The following ADGRV1 variants were observed in gnomAD, a reference collection of about 807,000 sequenced individuals.
ADGRV1 encodes adhesion G protein-coupled receptor V1, also known as G-protein coupled receptor 98.
A neutral mutation model predicts 596.2 loss-of-function variants in ADGRV1; 359 were observed. The ratio of observed to expected loss-of-function variants is 0.60; its 90% CI spans 0.55 to 0.66. The LOEUF (loss-of-function observed/expected upper bound fraction) is 0.66. Ranked by LOEUF, ADGRV1 falls within the 30% of genes least tolerant of loss-of-function variation. ADGRV1 has a pLI of 0.00. For missense variants in ADGRV1, 7,274 were observed against 7,575.6 expected, an observed-to-expected ratio of 0.96 and a Z score of 1.48; for synonymous variants, 2,681 against 2,679.2, an observed-to-expected ratio of 1.00 and a Z score of -0.02.
At chr5:90,958,294 AAAAAAAAAAG>A (rs1777669780) in intron 83 of ADGRV1, among the ~76,000 whole-genome samples, 2 of 150,224 alleles carry the variant, frequency 1.3e-5, no homozygotes, top group African/African-American at 2.4e-5. Context: ...AAAAAAAAAA[AAAAAAAAAAG>A]AAAAGAAAAG....
At chr5:90,559,369 G>A (rs75095828) in intron 1 of ADGRV1, among the ~76,000 whole-genome samples, 1 of 152,218 alleles carries the variant, frequency 6.6e-6, no homozygotes, top group African/African-American at 2.4e-5. Context: ...AAGGAGACTT[G>A]TTTGTGTTCC....
At chr5:91,135,722 G>A (rs1384130635) in intron 87 of ADGRV1, among the ~76,000 whole-genome samples, 1 of 152,100 alleles carries the variant, frequency 6.6e-6, no homozygotes, top group African/African-American at 2.4e-5. Flanking sequence ...CTATTTGCAG[G>A]GCACCATGCT....
chr5:90,825,140 T>G (rs949527249), intron 76 of ADGRV1, among the ~76,000 whole-genome samples: 7 of 152,186 alleles, frequency 4.6e-5, no homozygotes, highest in Non-Finnish European at 1.0e-4. Context: ...TTTCACCCTG[T>G]TGGCCTGGCT....
Position 91,131,941 on chromosome 5 carries a change from A to C in ADGRV1, c.18433-18089A>C, listed in dbSNP as rs368617637. Among the ~76,000 whole-genome samples the C allele has an allele frequency of 3.3e-5, 5 of 152,238 alleles. No individual in the cohort carries two copies. The East Asian group carries it at 7.7e-4, about 24-fold the overall frequency. ...TTGTAGTTTGGGAGTTTTACATGTA[A>C]ATCTTTAATCCACTTTGAGTTAACT... is the stretch of plus-strand genomic sequence containing the variant. On this transcript the variant is annotated intron_variant, in intron 87 of 89. Coordinates refer to ENST00000405460, the MANE Select transcript of ADGRV1 (RefSeq NM_032119.4).
At chr5:90,990,797 G>A (rs1780898915) in intron 85 of ADGRV1, among the ~76,000 whole-genome samples, 1 of 152,168 alleles carries the variant, frequency 6.6e-6, no homozygotes, top group Non-Finnish European at 1.5e-5. Context: ...TTGGTTACCC[G>A]AAGTAACTCT....
intron 28 of ADGRV1, 135 bp from the exon 29 acceptor site, chr5:90,685,645 A>T: frequency 6.5e-6 from 2 of 306,824 alleles, no homozygotes; most frequent in Non-Finnish European, 1.2e-5. Flanking sequence ...TAAATAAAAT[A>T]AATAGTAGAG....
At chr5:90,650,549 A>G (rs973424743) in intron 17 of ADGRV1, among the ~76,000 whole-genome samples, 2 of 152,114 alleles carry the variant, frequency 1.3e-5, no homozygotes, top group African/African-American at 4.8e-5. Flanking sequence ...TGTTTCTATA[A>G]TTTTAGCTGT....
At chr5:91,145,369 A>G (rs1336957571) in intron 87 of ADGRV1, among the ~76,000 whole-genome samples, 2 of 152,250 alleles carry the variant, frequency 1.3e-5, no homozygotes, top group African/African-American at 4.8e-5. Context: ...TCTAGCTTTT[A>G]CCCTATCACT....
intron 1 of ADGRV1, among the ~76,000 whole-genome samples, chr5:90,587,905 A>G (rs1758984521): frequency 6.6e-6 from 1 of 151,496 alleles, no homozygotes; most frequent in South Asian, 2.1e-4. Flanking sequence ...TACAAAATGT[A>G]TAGTTTCAAA....
At position 90,848,796 on chromosome 5, in the gene ADGRV1, G is replaced by A. The variant is rs886645456; in HGVS notation, c.17179G>A (p.Val5727Ile). ...TTTTGCCTTTTCTCTGCTGACTAAT[G>A]TTACTTGCGGCTCTCCTGGTGAAAA... ...ENFAFSLLTN[V>I]TCGSPGEKSK... Residue 5727 changes from valine to isoleucine, a missense_variant, in exon 79 of 90, where the codon GTT becomes ATT. By Grantham distance (29) the Val-to-Ile change is conservative. Around this residue, in one of 5 missense-constraint regions of ADGRV1, gnomAD observed 1,874 missense variants for 1,970.2 expected, o/e 0.95. Transcript: ENST00000405460. The A allele has an allele frequency of 4.4e-6, 7 of 1,584,572 alleles. No individual in the cohort carries two copies. The highest frequency in any genetic ancestry group is 1.4e-5 in the African/African-American group (1 of 73,122).
chr5:90,614,454 G>A (rs572505585), intron 1 of ADGRV1, among the ~76,000 whole-genome samples: 12 of 152,112 alleles, frequency 7.9e-5, no homozygotes, highest in East Asian at 1.9e-4. Flanking sequence ...CTGGTATTTC[G>A]TAGTTTTATT....
At chr5:90,766,131 G>C (rs897424756) in intron 59 of ADGRV1, among the ~76,000 whole-genome samples, 4 of 152,004 alleles carry the variant, frequency 2.6e-5, no homozygotes, top group South Asian at 2.1e-4. Context: ...GGATGGTCTT[G>C]ATCTCCTGAC....
intron 86 of ADGRV1, among the ~76,000 whole-genome samples, chr5:91,075,995 T>C (rs1788826258): frequency 6.6e-6 from 1 of 152,176 alleles, no homozygotes; most frequent in African/African-American, 2.4e-5. Context: ...TCCTCCTCAT[T>C]AGTTGGTAAA....
At chr5:90,590,915 C>G (rs1759413556) in intron 1 of ADGRV1, among the ~76,000 whole-genome samples, 1 of 152,052 alleles carries the variant, frequency 6.6e-6, no homozygotes, top group Admixed American at 6.6e-5. Context: ...ACTTGTTACC[C>G]TTGAACACTT....
chr5:90,689,584 T>C (rs937765663), intron 29 of ADGRV1, among the ~76,000 whole-genome samples: 1 of 152,098 alleles, frequency 6.6e-6, no homozygotes, highest in Non-Finnish European at 1.5e-5. Context: ...TCTCTATTTA[T>C]ATAAATAGAC....
intron 87 of ADGRV1, among the ~76,000 whole-genome samples, chr5:91,109,093 T>C (rs969944343): frequency 2.0e-5 from 3 of 152,196 alleles, no homozygotes; most frequent in Admixed American, 6.5e-5. Flanking sequence ...CAAATGCAAA[T>C]GTAAGGTTTA....
At chr5:90,818,985 G>A (rs983331517) in intron 75 of ADGRV1, among the ~76,000 whole-genome samples, 3 of 152,032 alleles carry the variant, frequency 2.0e-5, no homozygotes, top group African/African-American at 7.3e-5. Context: ...GTTTCAGAAG[G>A]AATGGTACCA....
intron 81 of ADGRV1, among the ~76,000 whole-genome samples, chr5:90,854,660 G>T (rs891032837): frequency 9.9e-5 from 15 of 152,154 alleles, no homozygotes; most frequent in African/African-American, 3.6e-4. Context: ...ACACAAATGG[G>T]AAGGAAAGAA....
chr5:91,127,790 T>C (rs1793895141), intron 87 of ADGRV1, among the ~76,000 whole-genome samples: 2 of 152,238 alleles, frequency 1.3e-5, no homozygotes, highest in African/African-American at 2.4e-5. Context: ...TAATACAAAT[T>C]TGGGATGTTT....
Sources: gnomAD v4.1 joint callset for allele counts (sites outside exome capture counted in the v4.1 genomes callset) on GRCh38, gnomAD v4.1.1 for gene constraint, gnomAD v4.1.1 regional missense constraint, MANE v1.5 for transcripts, NCBI Gene and HGNC (gene_info 2026-07-23, HGNC 2026-07-21) for gene names.